CABLES2: variants seen among roughly 807,000 people sequenced by gnomAD.
CABLES2 encodes the protein Cdk5 and Abl enzyme substrate 2.
In CABLES2, 35 loss-of-function variants were observed where a neutral mutation model predicts 44.8. The ratio of observed to expected loss-of-function variants is 0.78; its 90% CI spans 0.60 to 1.04. CABLES2 has a LOEUF of 1.04. Ranked by LOEUF, CABLES2 falls within the 50% of genes least tolerant of loss-of-function variation. The pLI is 0.00. For missense variants in CABLES2, 566 were observed against 615.7 expected (o/e 0.92, Z 0.85); for synonymous variants, 282 against 281.1 (o/e 1.00, Z -0.03).
At position 62,396,430 on chromosome 20, in the gene CABLES2, C is replaced by A; in HGVS notation, c.435-23G>T. On this transcript the variant is annotated intron_variant, in intron 2 of 9. Transcript: ENST00000279101. This position sits in a 1 kb window ranked among gnomAD's most constrained non-coding sequence, Gnocchi z 5.7. ...GTTCTGCAAGGCAAAGGACACAGGT[C>A]ACTCTTTTCCTCCCAGGACCCTCTG... The A allele has an allele frequency of 6.2e-7, 1 of 1,613,330 alleles. No homozygotes were observed. Among genetic ancestry groups the A allele is most frequent in the South Asian group, 1.1e-5 (1 of 91,038 alleles).
rs1280482876 is a variant in CABLES2 at position 62,391,031 on chromosome 20, G to GGCCA, written c.1373_1376dup (p.Leu460GlyfsTer43). 3 of 1,614,156 alleles carry GGCCA rather than the reference G, an allele frequency of 1.9e-6. No individual in the cohort carries two copies. The South Asian group carries it at 3.3e-5, about 18-fold the overall frequency. ...ACACTTGGTTCTCGGGAAGATACAG[G>GGCCA]GCCAGCTCCAAGGCCACGAGCACTG... On this transcript the variant is annotated frameshift_variant, in exon 10 of 10. Coordinates refer to ENST00000279101, the MANE Select transcript of CABLES2 (RefSeq NM_031215.3). LOFTEE classifies it high-confidence loss of function. The surrounding 1 kb of genome is among the most constrained non-coding windows in gnomAD (Gnocchi z 5.7).
rs764724188 is a variant in CABLES2 at position 62,396,955 on chromosome 20, C to A, written c.363-363G>T. 4.6e-5 allele frequency among the ~76,000 whole-genome samples: 7 copies of A among 152,192 alleles called. No homozygotes were observed. The highest frequency in any genetic ancestry group is 7.2e-5 in the African/African-American group (3 of 41,458). On this transcript the variant is annotated intron_variant, in intron 1 of 9. Transcript: ENST00000279101. This position sits in a 1 kb window ranked among gnomAD's most constrained non-coding sequence, Gnocchi z 5.7. ...GGGGCACCACCAACTCTGACAGGCC[C>A]ATCCCACCCAGCGCTGCCTGAGACT...
At chr20:62,397,938 A>ATGGCGGTGGTGGTGG (rs1423374198) in intron 1 of CABLES2, among the ~76,000 whole-genome samples, 12 of 63,644 alleles carry the variant, frequency 1.9e-4, no homozygotes, top group East Asian at 5.6e-4. Flanking sequence ...GGTGGTGGTG[A>ATGGCGGTGGTGGTGG]TGGTGGTGAC....
intron 5 of CABLES2, 65 bp from the exon 6 acceptor site, chr20:62,393,670 C>T (rs1280981219): frequency 1.4e-5 from 21 of 1,492,978 alleles, no homozygotes; most frequent in Middle Eastern, 1.8e-4. Flanking sequence ...AGTGAGCTCC[C>T]GCTGCAGGAA....
At chr20:62,399,593 C>CA (rs756547019) in intron 1 of CABLES2, among the ~76,000 whole-genome samples, 2 of 107,638 alleles carry the variant, frequency 1.9e-5, no homozygotes, top group African/African-American at 3.7e-5. Context: ...GGGTCAGGTC[C>CA]TTTTTTTTTT....
intron 3 of CABLES2, among the ~76,000 whole-genome samples, chr20:62,395,565 GTTTC>G (rs1988003236): frequency 6.6e-6 from 1 of 152,234 alleles, no homozygotes. Flanking sequence ...AGAAGCCACT[GTTTC>G]TCCTCCCTTG....
rs990522323 is a variant in CABLES2, at chr20:62,389,896, A to C, written c.*1075T>G. 1 of 152,230 alleles carries C rather than the reference A, an allele frequency of 6.6e-6. No homozygotes were observed. Among genetic ancestry groups the C allele is most frequent in the Admixed American group, 6.5e-5 (1 of 15,278 alleles). The allele number at this position is 152,230 out of a possible 1,614,324, so 9.4% of individuals were successfully genotyped here. A position where few individuals can be genotyped will look rare whatever the true frequency, so the allele number is the denominator to read the frequency against. On this transcript the variant is annotated 3_prime_UTR_variant, in exon 10 of 10. Coordinates refer to ENST00000279101, the MANE Select transcript of CABLES2 (RefSeq NM_031215.3). ...TTAGCATGGTGGGCTGCCCTGGCCG[A>C]GGTGGCCAAGATGGCACCTGTTTCC...
chr20:62,395,529 G>A (rs946650343), intron 3 of CABLES2, among the ~76,000 whole-genome samples: 4 of 152,228 alleles, frequency 2.6e-5, no homozygotes, highest in African/African-American at 7.2e-5. Context: ...TCGAGCAGCC[G>A]GGCCCCGGGC....
rs752528259 is a variant in CABLES2 at position 62,396,284 on chromosome 20, C to T, written c.527+31G>A. ...CCCCGTGGGCTTATGGAGACCACAG[C>T]CCTGGCCCGGTTCCCGGCTCCGCTT... On this transcript the variant is annotated intron_variant, in intron 3 of 9. Coordinates refer to ENST00000279101, the MANE Select transcript of CABLES2 (RefSeq NM_031215.3). The surrounding 1 kb of genome is among the most constrained non-coding windows in gnomAD (Gnocchi z 5.7). The T allele has an allele frequency of 5.0e-6, 8 of 1,594,586 alleles. No homozygotes were observed. Among genetic ancestry groups the T allele is most frequent in the Non-Finnish European group, 6.9e-6 (8 of 1,162,652 alleles).
rs576465883 is a variant in CABLES2 at position 62,396,580 on chromosome 20, C to T, written c.375G>A (p.Thr125=). 27 of 1,612,588 alleles carry T rather than the reference C, an allele frequency of 1.7e-5. 1 individual carries two copies. Among genetic ancestry groups the T allele is most frequent in the Middle Eastern group, 1.6e-4 (1 of 6,062 alleles). Residue 125 remains threonine (T), a synonymous_variant, in exon 2 of 10, where the codon ACG becomes ACA. Coordinates refer to ENST00000279101, the MANE Select transcript of CABLES2 (RefSeq NM_031215.3). The surrounding 1 kb of genome is among the most constrained non-coding windows in gnomAD (Gnocchi z 5.7). ...GAAACTCCAGGGAGCAGCGCTGGGA[C>T]GTGACTCGCTTCCTGCAAGATGACA... ...LDGQRQRKRV[T]SQRCSLEFLE... is the part of the protein sequence containing the mutation.
At chr20:62,393,166 G>A (rs1987952095) in intron 6 of CABLES2, 143 bp from the exon 7 acceptor site, 1 of 776,868 alleles carries the variant, frequency 1.3e-6, no homozygotes, top group Non-Finnish European at 2.1e-6. Flanking sequence ...AAGGGCCCAG[G>A]GCTTAGGGCA....
At chr20:62,402,026 C>T (rs1035948494) in intron 1 of CABLES2, among the ~76,000 whole-genome samples, 4 of 149,818 alleles carry the variant, frequency 2.7e-5, no homozygotes, top group African/African-American at 7.5e-5. Flanking sequence ...GCTCAGCCAC[C>T]GTAGAGTTAC....
chr20:62,388,657 C>T lies in CABLES2; in HGVS notation c.*2314G>A, dbSNP rs1987842696. 3 of 612,708 alleles carry T rather than the reference C, an allele frequency of 4.9e-6. No individual in the cohort carries two copies. The highest frequency in any genetic ancestry group is 2.0e-5 in the South Asian group (1 of 50,460). The allele number at this position is 612,708 out of a possible 1,614,324, so 38.0% of individuals were successfully genotyped here. On this transcript the variant is annotated 3_prime_UTR_variant, in exon 10 of 10. Coordinates refer to ENST00000279101, the MANE Select transcript of CABLES2 (RefSeq NM_031215.3). ...TATTGCAAAACTGAGGTTTAAAGGA[C>T]AAATACATTATCCATTTAAAAACAG...
chr20:62,396,271 A>C lies in CABLES2; in HGVS notation c.527+44T>G, dbSNP rs748037. 0.56 allele frequency: 873,458 copies of C among 1,549,046 alleles called. 255,179 individuals carry two copies. Among genetic ancestry groups the C allele is most frequent in the African/African-American group, 0.86 (63,445 of 73,732 alleles). On this transcript the variant is annotated intron_variant, in intron 3 of 9. Coordinates refer to ENST00000279101, the MANE Select transcript of CABLES2 (RefSeq NM_031215.3). The surrounding 1 kb of genome is among the most constrained non-coding windows in gnomAD (Gnocchi z 5.7). ...GACAGGGGCAGGACCCCGTGGGCTT[A>C]TGGAGACCACAGCCCTGGCCCGGTT...
rs137987461 is a variant in CABLES2, at chr20:62,390,583, G to T, written c.*388C>A. On this transcript the variant is annotated 3_prime_UTR_variant, in exon 10 of 10. Transcript: ENST00000279101. Reference sequence around the variant, plus strand: ...CAGATCTCCACCCTGACGCTGTGGTGGCTGCGGTGGTTTGCAGAAGGCGAG... The same window carrying T: ...CAGATCTCCACCCTGACGCTGTGGTTGCTGCGGTGGTTTGCAGAAGGCGAG... 105 of 223,750 alleles carry T rather than the reference G, an allele frequency of 4.7e-4. No individual in the cohort carries two copies. The highest frequency in any genetic ancestry group is 2.3e-3 in the African/African-American group (102 of 45,014). The allele number at this position is 223,750 out of a possible 1,614,324, so 13.9% of individuals were successfully genotyped here.
intron 1 of CABLES2, among the ~76,000 whole-genome samples, chr20:62,398,098 T>TGGTGGTTATGAC: frequency 2.2e-5 from 3 of 135,710 alleles, no homozygotes; most frequent in Non-Finnish European, 3.2e-5. Flanking sequence ...ACGGTGGTGG[T>TGGTGGTTATGAC]GGTGGTGATG....
Position 62,391,422 on chromosome 20 carries a change from C to G in CABLES2, c.1123G>C (p.Glu375Gln). ...ACCGTCACGGGCTCCAGGCTGCACT[C>G]CTCCGACAGGCTCCGCATCTCCCGC... ...LKREMRSLSE[E>Q]CSLEPVTVAM... Residue 375 changes from glutamate to glutamine, a missense_variant, in exon 9 of 10, where the codon GAG (glutamate) becomes CAG (glutamine). Around this residue, in one of 2 missense-constraint regions of CABLES2, gnomAD observed 436 missense variants for 536.3 expected, o/e 0.81. Transcript: ENST00000279101. The surrounding 1 kb of genome is among the most constrained non-coding windows in gnomAD (Gnocchi z 5.7). The G allele has an allele frequency of 6.2e-7, 1 of 1,613,280 alleles. No individual in the cohort carries two copies. Among genetic ancestry groups the G allele is most frequent in the Non-Finnish European group, 8.5e-7 (1 of 1,180,016 alleles).
Position 62,393,594 on chromosome 20 carries a change from A to C in CABLES2, c.726T>G (p.Tyr242Ter). 1 of 1,591,902 alleles carries C rather than the reference A, an allele frequency of 6.3e-7. No homozygotes were observed. Among genetic ancestry groups the C allele is most frequent in the Non-Finnish European group, 8.6e-7 (1 of 1,167,064 alleles). Residue 242 changes from tyrosine to a stop codon, truncating the protein, a stop_gained, in exon 6 of 10, where the codon TAT becomes TAG. Coordinates refer to ENST00000279101, the MANE Select transcript of CABLES2 (RefSeq NM_031215.3). LOFTEE classifies it high-confidence loss of function. ...ELGADGKVVS[Y>*]AKFLYPTNAL... Reference sequence around the variant, plus strand: ...CGTTGGTGGGATACAGGAACTTCGCATAAGACACGACCTGGAAAAGCAAAT... The same window carrying C: ...CGTTGGTGGGATACAGGAACTTCGCCTAAGACACGACCTGGAAAAGCAAAT...
Position 62,392,463 on chromosome 20 carries a change from G to A in CABLES2, c.1017C>T (p.Asp339=), listed in dbSNP as rs751450563. The change falls in exon 8 of 10, where the codon GAC becomes GAT. Residue 339 remains aspartate (D), a synonymous_variant. Coordinates refer to ENST00000279101, the MANE Select transcript of CABLES2 (RefSeq NM_031215.3). ...TTVIEYVKPS[D]LKKDMNETFR... ...AGGTCTCGTTCATGTCCTTTTTGAGGTCTGAGGGCTTCACGTATTCTATCA... is the reference window on the plus strand; with the variant it reads ...AGGTCTCGTTCATGTCCTTTTTGAGATCTGAGGGCTTCACGTATTCTATCA... 3.8e-5 allele frequency: 62 copies of A among 1,613,918 alleles called. No individual in the cohort carries two copies. The highest frequency in any genetic ancestry group is 4.0e-5 in the Non-Finnish European group (47 of 1,179,970).
Sources: allele counts gnomAD v4.1 joint callset (sites outside exome capture counted in the v4.1 genomes callset), GRCh38; gene constraint gnomAD v4.1.1; regional missense constraint gnomAD v4.1.1; non-coding constraint Gnocchi (gnomAD v3.1); transcripts MANE v1.5; gene names NCBI Gene and HGNC (gene_info 2026-07-23, HGNC 2026-07-21).